C8orf76: variants seen among roughly 807,000 people sequenced by gnomAD.
C8orf76 encodes chromosome 8 open reading frame 76.
A neutral mutation model predicts 38.1 loss-of-function variants in C8orf76; 46 were observed. That is an observed-to-expected ratio of 1.21 (90% CI 0.95 to 1.54). C8orf76 has a LOEUF of 1.54. C8orf76 is among the 40% of genes most tolerant of loss of function. The pLI is 0.00. For missense variants in C8orf76, 461 were observed against 441.6 expected (o/e 1.04, Z -0.39); for synonymous variants, 166 against 167.5 (o/e 0.99, Z 0.07).
At chr8:123,234,235 A>C (rs1271177099) in intron 3 of C8orf76, among the ~76,000 whole-genome samples, 1 of 152,182 alleles carries the variant, frequency 6.6e-6, no homozygotes, top group Non-Finnish European at 1.5e-5. Flanking sequence ...CAGATAAGGC[A>C]ACTGGGTCAC....
intron 5 of C8orf76, among the ~76,000 whole-genome samples, chr8:123,221,961 T>A (rs1036556250): frequency 2.6e-5 from 4 of 152,092 alleles, no homozygotes; most frequent in Admixed American, 6.6e-5. Flanking sequence ...AGGCTCTATG[T>A]GATAGTGTAA....
chr8:123,236,701 T>C (rs1324893168), intron 3 of C8orf76, among the ~76,000 whole-genome samples: 2 of 151,906 alleles, frequency 1.3e-5, no homozygotes, highest in African/African-American at 4.8e-5. Context: ...GGAGAATCGT[T>C]TGAATCCGGG....
In C8orf76 at chr8:123,231,743, G is replaced by T; in HGVS notation, c.372C>A (p.Thr124=). 6.3e-7 allele frequency: 1 copy of T among 1,580,132 alleles called. No homozygotes were observed. Among genetic ancestry groups the T allele is most frequent in the South Asian group, 1.2e-5 (1 of 86,050 alleles). The change falls in exon 4 of 6, where the codon ACC becomes ACA. Residue 124 remains threonine (T), a synonymous_variant. Transcript: ENST00000276704. The stretch of plus-strand genomic sequence containing the variant: ...GTACCGTGGTTAAATGGTCTGTGTT[G>T]GTTGCTTTATTTTCCTAAGGAGAAA... ...EIAANLENKA[T]NTDHLTTVLY...
rs1294847448 is a variant in C8orf76, at chr8:123,226,559, T to C, written c.889A>G (p.Ile297Val). ...LERNLRTQQE[I>V]EDKMKGFSFK... ...CTGAACCCTTTCATTTTATCTTCAA[T>C]TTCCTGCTGAGTCCTTAAGTTCCTC... The change falls in exon 5 of 6, where the codon ATT becomes GTT. Residue 297 changes from isoleucine (I) to valine (V), a missense_variant. Coordinates refer to ENST00000276704, the MANE Select transcript of C8orf76 (RefSeq NM_032847.3). 16 of 1,613,668 alleles carry C rather than the reference T, an allele frequency of 9.9e-6. No individual in the cohort carries two copies. Among genetic ancestry groups the C allele is most frequent in the Non-Finnish European group, 1.3e-5 (15 of 1,179,934 alleles).
intron 4 of C8orf76, among the ~76,000 whole-genome samples, chr8:123,229,785 G>A (rs765974986): frequency 2.0e-5 from 3 of 152,172 alleles, no homozygotes; most frequent in Non-Finnish European, 2.9e-5. Context: ...GGGAAGCCGA[G>A]GCGGGTGGAT....
chr8:123,233,640 G>A (rs1307027567), intron 3 of C8orf76, among the ~76,000 whole-genome samples: 2 of 151,926 alleles, frequency 1.3e-5, no homozygotes, highest in East Asian at 2.0e-4. Flanking sequence ...CGCCCACCTC[G>A]GCCTCCCAAA....
chr8:123,236,151 C>T (rs1825468024), intron 3 of C8orf76, among the ~76,000 whole-genome samples: 1 of 152,124 alleles, frequency 6.6e-6, no homozygotes, highest in South Asian at 2.1e-4. Flanking sequence ...AGGTCCTATG[C>T]AGTGAAGGCT....
intron 5 of C8orf76, among the ~76,000 whole-genome samples, chr8:123,225,050 G>C (rs1173002455): frequency 1.3e-5 from 2 of 152,164 alleles, no homozygotes; most frequent in East Asian, 1.9e-4. Context: ...CTGTTGCCCA[G>C]GCTGTAGTGC....
At chr8:123,226,319 T>C (rs768096397) in intron 5 of C8orf76, 181 bp downstream of exon 5, 254 of 1,450,982 alleles carry the variant, frequency 1.8e-4, no homozygotes, top group Non-Finnish European at 2.2e-4. Flanking sequence ...TCCCGCACGC[T>C]GCAGGGGAAT....
intron 3 of C8orf76, chr8:123,236,868 A>T (rs998776265): frequency 1.8e-5 from 15 of 815,286 alleles, no homozygotes; most frequent in Middle Eastern, 2.7e-4. Context: ...ATCTTTGTGA[A>T]GACCCTCACA....
chr8:123,228,033 G>C (rs1189041617), intron 4 of C8orf76, among the ~76,000 whole-genome samples: 1 of 151,884 alleles, frequency 6.6e-6, no homozygotes, highest in African/African-American at 2.4e-5. Context: ...ACCCCAAATC[G>C]GCTCTGCTCA....
chr8:123,238,060 T>G, intron 2 of C8orf76, 119 bp from the exon 3 acceptor site: 2 of 1,156,470 alleles, frequency 1.7e-6, no homozygotes, highest in Non-Finnish European at 2.4e-6. Context: ...GACCAATGAA[T>G]TACATGAATA....
chr8:123,231,341 T>G lies in C8orf76; in HGVS notation c.774A>C (p.Ile258=). The stretch of plus-strand genomic sequence containing the variant: ...AGGCACATGCTTTCAGCTGAGTCTC[T>G]ATCAACACTGTTTCTCTCTTTTCTG... ...CMAEKRETVL[I]ETQLKACASF... Residue 258 remains isoleucine, a synonymous_variant, in exon 4 of 6, where the codon ATA becomes ATC. Coordinates refer to ENST00000276704, the MANE Select transcript of C8orf76 (RefSeq NM_032847.3). 3 of 1,613,742 alleles carry G rather than the reference T, an allele frequency of 1.9e-6. No individual in the cohort carries two copies. Among genetic ancestry groups the G allele is most frequent in the Middle Eastern group, 1.6e-4 (1 of 6,062 alleles).
At chr8:123,239,704 C>T (rs760237402) in intron 1 of C8orf76, 1 of 152,172 alleles carries the variant, frequency 6.6e-6, no homozygotes, top group East Asian at 1.9e-4. Context: ...GAATAAATAA[C>T]GTAGGGAAAG....
At chr8:123,228,073 G>T (rs1048553184) in intron 4 of C8orf76, among the ~76,000 whole-genome samples, 5 of 152,114 alleles carry the variant, frequency 3.3e-5, no homozygotes, top group African/African-American at 7.2e-5. Context: ...TCAGCGGAAG[G>T]CACCACCATC....
chr8:123,238,335 C>T (rs1331190120), intron 2 of C8orf76, among the ~76,000 whole-genome samples: 1 of 152,180 alleles, frequency 6.6e-6, no homozygotes, highest in Non-Finnish European at 1.5e-5. Flanking sequence ...CTTTGCTCCT[C>T]CTTCACCTTC....
At chr8:123,221,176 A>G (rs1486099601) in intron 5 of C8orf76, among the ~76,000 whole-genome samples, 1 of 152,194 alleles carries the variant, frequency 6.6e-6, no homozygotes, top group African/African-American at 2.4e-5. Flanking sequence ...AAGATTACAT[A>G]TTGTTTGAGG....
At position 123,239,083 on chromosome 8, in the gene C8orf76, T is replaced by C. The variant is rs756084345; in HGVS notation, c.179A>G (p.Lys60Arg). Residue 60 changes from lysine (K) to arginine (R), a missense_variant, in exon 2 of 6, where the codon AAA becomes AGA. Transcript: ENST00000276704. ...TTGTCGTCTGTAGGCCAGGTCTCCT[T>C]TGAATTTCTTGAGAGTCAGCACTTC... ...DVEVLTLKKF[K>R]GDLAYRRQEY... The C allele has an allele frequency of 1.0e-4, 168 of 1,614,018 alleles. No individual in the cohort carries two copies. The East Asian group carries it at 3.6e-3, about 34-fold the overall frequency.
At chr8:123,238,083 AAAG>A (rs1315182002) in intron 2 of C8orf76, 142 bp from the exon 3 acceptor site, 6 of 1,104,792 alleles carry the variant, frequency 5.4e-6, no homozygotes, top group Middle Eastern at 3.0e-4. Flanking sequence ...TAAATGAATT[AAAG>A]AAGATTTCAC....
Sources: gnomAD v4.1 joint callset for allele counts (sites outside exome capture counted in the v4.1 genomes callset) on GRCh38, gnomAD v4.1.1 for gene constraint, MANE v1.5 for transcripts, NCBI Gene and HGNC (gene_info 2026-07-23, HGNC 2026-07-21) for gene names.